Variants in SREK1 observed in about 807,000 individuals in gnomAD.
The protein encoded by SREK1 is splicing regulatory glutamic acid and lysine rich protein 1.
In SREK1, 13 loss-of-function variants were observed where a neutral mutation model predicts 66.5. The observed-to-expected ratio is 0.20, with a 90% CI of 0.13 to 0.31. The LOEUF (loss-of-function observed/expected upper bound fraction) is 0.31. SREK1 is among the 10% of genes least tolerant of loss of function. The pLI, the probability that SREK1 is intolerant of heterozygous loss-of-function variation, is 1.00. For synonymous variants in SREK1, 265 were observed against 263.5 expected (o/e 1.01, Z -0.05); for missense variants, 607 against 769.6 (o/e 0.79, Z 2.50).
chr5:66,177,643 C>T lies in SREK1; in HGVS notation c.1710C>T (p.Asn570=), dbSNP rs1746167932. The part of the protein sequence containing the change: ...DRDGKEKLEK[N]STSLKEKEHN... ...ATGGGAAGGAGAAGTTGGAGAAGAA[C>T]AGTACTTCACTTAAAGTAAGCAGCA... is the stretch of plus-strand genomic sequence containing the variant. The change falls in exon 11 of 12, where the codon AAC becomes AAT. Residue 570 remains asparagine (N), a synonymous_variant. Transcript: ENST00000334121. 5 of 1,597,068 alleles carry T rather than the reference C, an allele frequency of 3.1e-6. No individual in the cohort carries two copies. The highest frequency in any genetic ancestry group is 3.4e-6 in the Non-Finnish European group (4 of 1,174,634).
At chr5:66,175,152 A>C in intron 10 of SREK1, 111 bp downstream of exon 10, 1 of 815,696 alleles carries the variant, frequency 1.2e-6, no homozygotes, top group Non-Finnish European at 1.9e-6. Context: ...TGAATAATAC[A>C]TATGCATTAT....
chr5:66,153,595 A>G lies in SREK1; in HGVS notation c.294A>G (p.Glu98=). 1.2e-6 allele frequency: 2 copies of G among 1,613,964 alleles called. No individual in the cohort carries two copies. The highest frequency in any genetic ancestry group is 1.7e-6 in the Non-Finnish European group (2 of 1,179,934). The part of the protein sequence containing the change: ...DRALIVVPCA[E]GKIPEESKAL... ...CTCTGATAGTTGTTCCTTGTGCAGA[A>G]GGTTGGTATCTCGCTTTTTTTCCTC... Residue 98 remains glutamate, a splice_region_variant and synonymous_variant, in exon 2 of 12, where the codon GAA becomes GAG. Coordinates refer to ENST00000334121, the MANE Select transcript of SREK1 (RefSeq NM_001077199.3).
chr5:66,160,786 T>C (rs1322194556), intron 3 of SREK1, among the ~76,000 whole-genome samples: 1 of 152,240 alleles, frequency 6.6e-6, no homozygotes, highest in Admixed American at 6.5e-5. Flanking sequence ...CTGTATCATA[T>C]TTGTATATAT....
intron 7 of SREK1, chr5:66,165,509 A>G (rs1204859077): frequency 6.6e-6 from 1 of 152,224 alleles, no homozygotes; most frequent in African/African-American, 2.4e-5. Context: ...ATTTTTGATC[A>G]TAGCTTTGTC....
intron 3 of SREK1, among the ~76,000 whole-genome samples, chr5:66,161,090 G>A (rs1283933105): frequency 1.3e-5 from 2 of 152,030 alleles, no homozygotes; most frequent in African/African-American, 4.8e-5. Flanking sequence ...ATTTTCTTAG[G>A]TAAACTTTCA....
At chr5:66,159,385 C>T (rs763333217) in intron 3 of SREK1, 51 bp downstream of exon 3, 1 of 1,407,782 alleles carries the variant, frequency 7.1e-7, no homozygotes, top group Non-Finnish European at 9.7e-7. Flanking sequence ...AACTGTGTGA[C>T]CAGTTGAATA....
intron 3 of SREK1, among the ~76,000 whole-genome samples, chr5:66,159,712 G>C (rs1448735600): frequency 6.6e-6 from 1 of 152,108 alleles, no homozygotes; most frequent in Non-Finnish European, 1.5e-5. Context: ...GAAAAAAACA[G>C]GTCTTTGTCT....
At chr5:66,167,993 T>C (rs1345782169) in intron 7 of SREK1, 3 of 152,296 alleles carry the variant, frequency 2.0e-5, no homozygotes, top group Admixed American at 1.3e-4. Flanking sequence ...GGCTCTTAAG[T>C]ACTAGTGATA....
chr5:66,156,642 C>G, intron 2 of SREK1: 3 of 985,284 alleles, frequency 3.0e-6, no homozygotes, highest in Middle Eastern at 5.2e-4. Flanking sequence ...TGTCCTTCCC[C>G]CTGGAATTTT....
intron 10 of SREK1, among the ~76,000 whole-genome samples, chr5:66,176,763 C>T (rs1746088081): frequency 6.6e-6 from 1 of 151,906 alleles, no homozygotes; most frequent in African/African-American, 2.4e-5. Flanking sequence ...GAGGTATTTT[C>T]TTTCATTATG....
At chr5:66,156,139 C>T (rs1268373550) in intron 2 of SREK1, 3 of 1,425,746 alleles carry the variant, frequency 2.1e-6, no homozygotes, top group Non-Finnish European at 2.7e-6. Context: ...CTAAACCTGC[C>T]GTCAAGTGAA....
intron 3 of SREK1, among the ~76,000 whole-genome samples, chr5:66,161,050 G>A: frequency 6.6e-6 from 1 of 152,044 alleles, no homozygotes; most frequent in African/African-American, 2.4e-5. Context: ...TCCTACCATG[G>A]CATAAGTAAG....
rs1210294000 is a variant in SREK1, at chr5:66,170,271, TGGTTTA to T, written c.1121+107_1121+112del. 20 of 1,412,838 alleles carry T rather than the reference TGGTTTA, an allele frequency of 1.4e-5. No individual in the cohort carries two copies. The Admixed American group carries it at 5.1e-4, about 36-fold the overall frequency. 87.5% of individuals were successfully genotyped at this position (1,412,838 alleles called of 1,614,324 possible). ...GGCTTCATTTGTTAAAAATCTGTTG[TGGTTTA>T]GGTTTTTAATGAGAGAAATTAAACC... On this transcript the variant is annotated intron_variant, in intron 8 of 11. Transcript: ENST00000334121.
chr5:66,178,366 T>C (rs1417897038), intron 11 of SREK1, among the ~76,000 whole-genome samples: 1 of 152,072 alleles, frequency 6.6e-6, no homozygotes, highest in African/African-American at 2.4e-5. Context: ...CATTTCCTTA[T>C]TTTTGCTGCA....
intron 2 of SREK1, chr5:66,156,763 T>G (rs1580634699): frequency 3.0e-6 from 3 of 985,320 alleles, no homozygotes; most frequent in Middle Eastern, 5.2e-4. Flanking sequence ...CCTTGACTTA[T>G]GAAGACTTTT....
chr5:66,166,664 TTA>T (rs1217230453), intron 7 of SREK1: 1 of 152,064 alleles, frequency 6.6e-6, no homozygotes, highest in African/African-American at 2.4e-5. Context: ...AAACGGGGTT[TTA>T]TCATACTGCC....
intron 2 of SREK1, chr5:66,157,689 T>C (rs1744408598): frequency 1.0e-6 from 1 of 960,290 alleles, no homozygotes; most frequent in South Asian, 4.8e-5. Flanking sequence ...AAGAAATCTG[T>C]TCTCCAGAAT....
chr5:66,171,086 A>T (rs1745609511), intron 9 of SREK1, 139 bp downstream of exon 9: 4 of 1,066,696 alleles, frequency 3.7e-6, no homozygotes, highest in Non-Finnish European at 5.2e-6. Flanking sequence ...CTAATTTCAG[A>T]GTAAACATTT....
At chr5:66,172,060 TAAAAC>T (rs137882565) in intron 9 of SREK1, among the ~76,000 whole-genome samples, 3,789 of 152,350 alleles carry the variant, frequency 0.025, 64 homozygotes, top group Non-Finnish European at 0.039. Flanking sequence ...TAGTATATGT[TAAAAC>T]AAGGCTCAAA....
Sources: gnomAD v4.1 joint callset for allele counts (sites outside exome capture counted in the v4.1 genomes callset) on GRCh38, gnomAD v4.1.1 for gene constraint, MANE v1.5 for transcripts, NCBI Gene and HGNC (gene_info 2026-07-23, HGNC 2026-07-21) for gene names.